Variants in EPB41 observed in about 807,000 individuals in gnomAD.
EPB41 encodes the protein protein 4.1.
Under a neutral mutation model 108.0 loss-of-function variants are expected in EPB41, and 65 were observed. That is an observed-to-expected ratio of 0.60 (90% confidence interval 0.49 to 0.74). The LOEUF is 0.74. Ranked by LOEUF, EPB41 falls within the 30% of genes least tolerant of loss-of-function variation. EPB41 has a pLI of 0.00. For missense variants in EPB41, 875 were observed against 1,037.0 expected (o/e 0.84, Z 2.15); for synonymous variants, 336 against 358.9 (o/e 0.94, Z 0.72).
chr1:29,109,906 C>T (rs554887381), intron 18 of EPB41, among the ~76,000 whole-genome samples: 14 of 152,266 alleles, frequency 9.2e-5, no homozygotes, highest in Middle Eastern at 3.4e-3. Context: ...TGGCGGCATA[C>T]ACCTGTAGTC....
At chr1:28,957,674 G>A (rs148578578) in intron 1 of EPB41, among the ~76,000 whole-genome samples, 2,154 of 152,250 alleles carry the variant, frequency 0.014, 45 homozygotes, top group African/African-American at 0.044. Flanking sequence ...CAAAGTGCCA[G>A]GATTACAGAT....
chr1:28,919,567 G>A (rs2092927752), intron 1 of EPB41, among the ~76,000 whole-genome samples: 2 of 151,924 alleles, frequency 1.3e-5, no homozygotes, highest in Non-Finnish European at 2.9e-5. Context: ...GGGTTCAAGC[G>A]ATTCTTCCGC....
chr1:28,987,513 A>G lies in EPB41; in HGVS notation c.76A>G (p.Ile26Val), dbSNP rs2095896307. ...HQQKEEGEEA[I>V]NSGQQEPQQE... ...ACAGAAGGAAGAGGGTGAGGAAGCC[A>G]TAAACTCAGGCCAACAAGAACCTCA... Residue 26 changes from isoleucine to valine, a missense_variant, in exon 2 of 21, where the codon ATA (isoleucine) becomes GTA (valine). By Grantham distance (29) the Ile-to-Val change is conservative. Transcript: ENST00000343067. The G allele has an allele frequency of 2.5e-6, 4 of 1,614,192 alleles. No individual in the cohort carries two copies. Among genetic ancestry groups the G allele is most frequent in the Middle Eastern group, 1.6e-4 (1 of 6,062 alleles).
intron 1 of EPB41, among the ~76,000 whole-genome samples, chr1:28,980,553 T>A (rs2993711): frequency 0.32 from 47,341 of 147,638 alleles, 8,961 homozygotes; most frequent in East Asian, 0.85. Context: ...TTAAAAAAAA[T>A]TTTTTTTTTT....
At chr1:28,923,981 C>T (rs902976024) in intron 1 of EPB41, among the ~76,000 whole-genome samples, 1 of 152,106 alleles carries the variant, frequency 6.6e-6, no homozygotes, top group Non-Finnish European at 1.5e-5. Flanking sequence ...TGGGATGTCA[C>T]TTCTAAGATT....
intron 7 of EPB41, among the ~76,000 whole-genome samples, chr1:29,027,714 G>A (rs1014348573): frequency 4.6e-5 from 7 of 152,166 alleles, no homozygotes; most frequent in Non-Finnish European, 7.3e-5. Context: ...AGGACTATAG[G>A]TGCATGCCAC....
Position 28,986,334 on chromosome 1 carries a change from C to CT in EPB41, c.-7-1097_-7-1096insT, listed in dbSNP as rs2095868902. On this transcript the variant is annotated intron_variant, in intron 1 of 20. Transcript: ENST00000343067. ...TTCATTGCCCAGTGTTTTCAAAGTC[C>CT]CCACGTGTGTTGGTTATTCTTTAGT... is the stretch of plus-strand genomic sequence containing the variant. 2.0e-5 allele frequency among the ~76,000 whole-genome samples: 3 copies of CT among 152,058 alleles called. No homozygotes were observed. In the South Asian group the frequency reaches 6.2e-4, roughly 32 times the overall value.
At chr1:28,949,284 A>C (rs112720035) in intron 1 of EPB41, among the ~76,000 whole-genome samples, 1 of 152,154 alleles carries the variant, frequency 6.6e-6, no homozygotes, top group Non-Finnish European at 1.5e-5. Flanking sequence ...TCTCCACAAA[A>C]AATTTTAAAA....
At chr1:28,944,532 TG>T (rs201318773) in intron 1 of EPB41, among the ~76,000 whole-genome samples, 2,774 of 122,626 alleles carry the variant, frequency 0.023, 147 homozygotes, top group African/African-American at 0.079. Flanking sequence ...CTCTCAGATC[TG>T]GTTTTTTTTT....
intron 1 of EPB41, among the ~76,000 whole-genome samples, chr1:28,901,197 G>A (rs1300072441): frequency 1.3e-5 from 2 of 151,690 alleles, no homozygotes; most frequent in African/African-American, 4.8e-5. Context: ...CCAAAGTGCT[G>A]GGATTACAGG....
At chr1:29,010,400 G>T (rs990921650) in intron 4 of EPB41, among the ~76,000 whole-genome samples, 2 of 151,980 alleles carry the variant, frequency 1.3e-5, no homozygotes, top group Non-Finnish European at 2.9e-5. Flanking sequence ...GGAAGGGGAG[G>T]GATTAGGAAG....
intron 1 of EPB41, among the ~76,000 whole-genome samples, chr1:28,985,532 A>G (rs1375102557): frequency 6.6e-6 from 1 of 152,210 alleles, no homozygotes; most frequent in African/African-American, 2.4e-5. Flanking sequence ...TTATGTAGGG[A>G]GGCCTCCTAA....
chr1:28,981,354 A>G (rs1039507155), intron 1 of EPB41, among the ~76,000 whole-genome samples: 1 of 152,100 alleles, frequency 6.6e-6, no homozygotes, highest in Admixed American at 6.5e-5. Context: ...AAGAATTTCA[A>G]AAAGAGCAGC....
chr1:29,011,122 CAAAAAAAAA>C (rs71022386), intron 4 of EPB41, among the ~76,000 whole-genome samples: 1 of 113,782 alleles, frequency 8.8e-6, no homozygotes, highest in Non-Finnish European at 1.8e-5. Context: ...GAAACTCTGT[CAAAAAAAAA>C]AAAAAAAGAA....
chr1:29,029,414 G>C (rs567177737), intron 7 of EPB41, among the ~76,000 whole-genome samples: 2 of 152,276 alleles, frequency 1.3e-5, no homozygotes, highest in African/African-American at 4.8e-5. Flanking sequence ...CTTTTAATTA[G>C]GGTAAAGACA....
chr1:28,919,472 T>A (rs1044384363), intron 1 of EPB41, among the ~76,000 whole-genome samples: 1 of 151,776 alleles, frequency 6.6e-6, no homozygotes, highest in African/African-American at 2.4e-5. Context: ...TTTCTTTCTT[T>A]TTTTTTTTTG....
intron 17 of EPB41, among the ~76,000 whole-genome samples, chr1:29,108,863 AT>A: frequency 7.5e-6 from 1 of 132,964 alleles, no homozygotes; most frequent in African/African-American, 2.9e-5. Context: ...GGCCCAATTT[AT>A]TTTATTTGTT....
At chr1:28,991,315 A>G (rs2149578794) in intron 2 of EPB41, among the ~76,000 whole-genome samples, 1 of 152,056 alleles carries the variant, frequency 6.6e-6, no homozygotes, top group African/African-American at 2.4e-5. Flanking sequence ...TATTCATTCA[A>G]CAAATATTTA....
chr1:29,074,929 C>T (rs562251901), intron 16 of EPB41, among the ~76,000 whole-genome samples: 48 of 152,148 alleles, frequency 3.2e-4, no homozygotes, highest in African/African-American at 7.9e-4. Context: ...GAGGCTGAGG[C>T]GGGCGGATCA....
Sources: gnomAD v4.1 joint callset for allele counts (sites outside exome capture counted in the v4.1 genomes callset) on GRCh38, gnomAD v4.1.1 for gene constraint, MANE v1.5 for transcripts, NCBI Gene and HGNC (gene_info 2026-07-23, HGNC 2026-07-21) for gene names.